Variants in DPCD observed in about 807,000 individuals in gnomAD.
DPCD encodes the protein deleted in primary ciliary dyskinesia homolog (mouse).
A neutral mutation model predicts 26.4 loss-of-function variants in DPCD; 20 were observed. That is an observed-to-expected ratio of 0.76 (90% CI 0.53 to 1.10). The LOEUF is 1.10. Ranked by LOEUF, DPCD falls within the 50% of genes least tolerant of loss-of-function variation. The probability of loss-of-function intolerance (pLI) is 0.00; values close to 1 mark genes in which losing one functional copy is unlikely to be tolerated. For synonymous variants in DPCD, 97 were observed against 94.2 expected (o/e 1.03, Z -0.17); for missense variants, 202 against 253.9 (o/e 0.80, Z 1.39).
chr10:101,594,776 C>T, intron 2 of DPCD, 38 bp downstream of exon 2: 1 of 1,590,020 alleles, frequency 6.3e-7, no homozygotes, highest in Non-Finnish European at 8.6e-7. Context: ...TTTAGTAATA[C>T]TTGGGGCTGA....
At chr10:101,605,789 T>C (rs1269367517) in intron 4 of DPCD, among the ~76,000 whole-genome samples, 2 of 152,134 alleles carry the variant, frequency 1.3e-5, no homozygotes, top group Non-Finnish European at 2.9e-5. Context: ...GGCTATTACT[T>C]TGTGGTGAGA....
intron 2 of DPCD, chr10:101,596,515 T>A (rs1393993125): frequency 6.6e-6 from 1 of 152,236 alleles, no homozygotes; most frequent in Non-Finnish European, 1.5e-5. Context: ...CATGCTTTAG[T>A]CCTCAACAAC....
intron 1 of DPCD, 70 bp downstream of exon 1, chr10:101,588,470 AG>A: frequency 6.5e-7 from 1 of 1,541,846 alleles, no homozygotes. Context: ...GAAGGGCCTC[AG>A]GGCCTGGGTC....
intron 1 of DPCD, among the ~76,000 whole-genome samples, chr10:101,590,063 G>A (rs78732686): frequency 0.29 from 34,125 of 116,954 alleles, 4,393 homozygotes; most frequent in Non-Finnish European, 0.35. Flanking sequence ...AAAAAAACTG[G>A]AAAAAAAAAA....
At chr10:101,608,672 A>G (rs2063749028) in intron 4 of DPCD, among the ~76,000 whole-genome samples, 163 bp from the exon 5 acceptor site, 1 of 152,174 alleles carries the variant, frequency 6.6e-6, no homozygotes, top group African/African-American at 2.4e-5. Flanking sequence ...TTCCAGGGCC[A>G]CTGAGCTCTG....
rs1009333775 is a variant in DPCD, at chr10:101,609,524, G to A, written c.*53G>A. ...ACAGGGGGTGCCGTGAGACTTCAAG[G>A]CTTGGCCCTTCTTGACCACGGCAGC... is the stretch of plus-strand genomic sequence containing the variant. On this transcript the variant is annotated 3_prime_UTR_variant, in exon 6 of 6. Coordinates refer to ENST00000370151, the MANE Select transcript of DPCD (RefSeq NM_015448.3). The A allele has an allele frequency of 6.4e-7, 1 of 1,554,676 alleles. No homozygotes were observed. The highest frequency in any genetic ancestry group is 1.4e-5 in the African/African-American group (1 of 73,856).
chr10:101,589,707 C>T (rs977956872), intron 1 of DPCD, among the ~76,000 whole-genome samples: 16 of 152,050 alleles, frequency 1.1e-4, no homozygotes, highest in African/African-American at 3.9e-4. Context: ...GATGAAACCA[C>T]CCCATCGCTA....
chr10:101,608,107 T>A (rs1447755668), intron 4 of DPCD, among the ~76,000 whole-genome samples: 4 of 152,212 alleles, frequency 2.6e-5, no homozygotes, highest in African/African-American at 9.7e-5. Context: ...TTCTATTTTT[T>A]TTTTTAATTA....
At chr10:101,606,317 C>T (rs1293245684) in intron 4 of DPCD, among the ~76,000 whole-genome samples, 2 of 152,086 alleles carry the variant, frequency 1.3e-5, no homozygotes, top group Admixed American at 6.6e-5. Flanking sequence ...GCTGCTACCA[C>T]GCCTGGCTAA....
chr10:101,600,902 G>A lies in DPCD; in HGVS notation c.270+40G>A, dbSNP rs371077200. On this transcript the variant is annotated intron_variant, in intron 3 of 5. Coordinates refer to ENST00000370151, the MANE Select transcript of DPCD (RefSeq NM_015448.3). This position sits in a 1 kb window ranked among gnomAD's most constrained non-coding sequence, Gnocchi z 4.7. ...CCAGGTGTCTTGCACGGACTGAGGTGGGGGTGGGCTGTGGGCTGCTGGCTC... is the reference window on the plus strand; with the variant it reads ...CCAGGTGTCTTGCACGGACTGAGGTAGGGGTGGGCTGTGGGCTGCTGGCTC... 1.9e-6 allele frequency: 3 copies of A among 1,612,474 alleles called. No individual in the cohort carries two copies. In the African/African-American group the frequency reaches 4.0e-5, roughly 22 times the overall value.
intron 1 of DPCD, among the ~76,000 whole-genome samples, chr10:101,593,614 A>T (rs191531124): frequency 3.8e-4 from 58 of 152,096 alleles, no homozygotes; most frequent in Non-Finnish European, 6.9e-4. Flanking sequence ...TTTTAGACAG[A>T]GTCTCACTCT....
At chr10:101,607,445 C>T (rs2063740270) in intron 4 of DPCD, among the ~76,000 whole-genome samples, 1 of 152,198 alleles carries the variant, frequency 6.6e-6, no homozygotes, top group African/African-American at 2.4e-5. Flanking sequence ...AGCCCCCACT[C>T]CTTTTGAACT....
intron 4 of DPCD, among the ~76,000 whole-genome samples, chr10:101,608,036 G>C (rs538884059): frequency 2.0e-5 from 3 of 152,082 alleles, no homozygotes; most frequent in Non-Finnish European, 4.4e-5. Flanking sequence ...TTTTAGGTAA[G>C]GGGGGTCAAA....
At position 101,600,683 on chromosome 10, in the gene DPCD, C is replaced by T; in HGVS notation, c.146-55C>T. ...CAGCAGAAAAGAGCAGAGACCCTCT[C>T]TTCACTCTCATCCTGATGCTTGCTT... On this transcript the variant is annotated intron_variant, in intron 2 of 5. Coordinates refer to ENST00000370151, the MANE Select transcript of DPCD (RefSeq NM_015448.3). The surrounding 1 kb of genome is among the most constrained non-coding windows in gnomAD (Gnocchi z 4.7). 1 of 1,583,068 alleles carries T rather than the reference C, an allele frequency of 6.3e-7. No homozygotes were observed. The highest frequency in any genetic ancestry group is 8.6e-7 in the Non-Finnish European group (1 of 1,165,582).
At chr10:101,596,441 G>T (rs868414751) in intron 2 of DPCD, among the ~76,000 whole-genome samples, 1 of 152,230 alleles carries the variant, frequency 6.6e-6, no homozygotes, top group Non-Finnish European at 1.5e-5. Flanking sequence ...TAAGCACCTT[G>T]TTGAGAATTA....
chr10:101,588,363 T>C lies in DPCD; in HGVS notation c.27T>C (p.Ser9=). The C allele has an allele frequency of 6.3e-7, 1 of 1,599,140 alleles. No homozygotes were observed. ...TGGCGGTGACGGGCTGGTTGGAGAG[T>C]CTGCGGACAGCCCAGAAGACTGCGC... is the stretch of plus-strand genomic sequence containing the variant. The part of the protein sequence containing the change: MAVTGWLE[S]LRTAQKTALL... The change falls in exon 1 of 6, where the codon AGT becomes AGC. Residue 9 remains serine (S), a synonymous_variant. Coordinates refer to ENST00000370151, the MANE Select transcript of DPCD (RefSeq NM_015448.3).
At chr10:101,609,240 T>C in intron 5 of DPCD, 127 bp from the exon 6 acceptor site, 1 of 881,346 alleles carries the variant, frequency 1.1e-6, no homozygotes, top group Non-Finnish European at 1.8e-6. Flanking sequence ...GAGCAAATCA[T>C]TCAATCCTAC....
intron 4 of DPCD, among the ~76,000 whole-genome samples, chr10:101,606,887 C>T (rs907425718): frequency 3.3e-5 from 5 of 152,232 alleles, no homozygotes; most frequent in African/African-American, 1.2e-4. Context: ...TCCCTTGAGC[C>T]TATCGGGAGC....
At chr10:101,592,239 C>T (rs919213814) in intron 1 of DPCD, among the ~76,000 whole-genome samples, 3 of 152,150 alleles carry the variant, frequency 2.0e-5, no homozygotes, top group African/African-American at 7.2e-5. Context: ...AAAAACTAAA[C>T]ACCTGTGTTG....
Sources: allele counts gnomAD v4.1 joint callset (sites outside exome capture counted in the v4.1 genomes callset), GRCh38; gene constraint gnomAD v4.1.1; non-coding constraint Gnocchi (gnomAD v3.1); transcripts MANE v1.5; gene names NCBI Gene and HGNC (gene_info 2026-07-23, HGNC 2026-07-21).